PLXNC1: variants seen among roughly 807,000 people sequenced by gnomAD.
PLXNC1 encodes the protein plexin C1.
In PLXNC1, 75 loss-of-function variants were observed where a neutral mutation model predicts 178.2. The observed-to-expected ratio is 0.42, with a 90% CI of 0.35 to 0.51. The LOEUF (loss-of-function observed/expected upper bound fraction) is 0.51. Ranked by LOEUF, PLXNC1 falls within the 20% of genes least tolerant of loss-of-function variation. PLXNC1 has a pLI of 0.02. For missense variants in PLXNC1, 1,503 were observed against 1,984.4 expected, an observed-to-expected ratio of 0.76 and a Z score of 4.61; for synonymous variants, 790 against 779.9, an observed-to-expected ratio of 1.01 and a Z score of -0.22.
chr12:94,217,534 T>TAC (rs1238057714), intron 5 of PLXNC1, among the ~76,000 whole-genome samples: 3 of 152,190 alleles, frequency 2.0e-5, no homozygotes, highest in African/African-American at 7.2e-5. Flanking sequence ...TTGAACTACA[T>TAC]ACACCTAAAG....
At chr12:94,276,503 C>T (rs1474434410) in intron 21 of PLXNC1, among the ~76,000 whole-genome samples, 2 of 152,040 alleles carry the variant, frequency 1.3e-5, no homozygotes, top group East Asian at 1.9e-4. Flanking sequence ...GGTGGTAAAG[C>T]GGGGATGGCA....
chr12:94,193,609 C>G (rs1040847311), intron 4 of PLXNC1, among the ~76,000 whole-genome samples: 1 of 152,168 alleles, frequency 6.6e-6, no homozygotes, highest in African/African-American at 2.4e-5. Context: ...TCCTGTGTCC[C>G]AGGCACTGGG....
intron 21 of PLXNC1, among the ~76,000 whole-genome samples, chr12:94,270,512 G>A (rs1965505800): frequency 6.6e-6 from 1 of 152,092 alleles, no homozygotes; most frequent in Non-Finnish European, 1.5e-5. Context: ...CCCCTTCTGG[G>A]ACACAGCAAT....
chr12:94,157,288 T>C (rs1188025295), intron 1 of PLXNC1, among the ~76,000 whole-genome samples: 3 of 152,216 alleles, frequency 2.0e-5, no homozygotes, highest in African/African-American at 7.2e-5. Flanking sequence ...AAGACCAACA[T>C]CTTGATTACA....
chr12:94,301,149 C>A, intron 28 of PLXNC1, 92 bp downstream of exon 28: 1 of 1,044,754 alleles, frequency 9.6e-7, no homozygotes, highest in Non-Finnish European at 1.4e-6. Context: ...AACAATTGGT[C>A]TAAACTACAC....
intron 9 of PLXNC1, chr12:94,227,474 C>A: frequency 5.8e-6 from 2 of 344,032 alleles, no homozygotes; most frequent in Non-Finnish European, 1.1e-5. Context: ...TTGCTCTGGT[C>A]GAAATAAAAT....
rs1968917100 is a variant in PLXNC1, at chr12:94,305,545, C to T, written c.*260C>T. On this transcript the variant is annotated 3_prime_UTR_variant, in exon 31 of 31. Transcript: ENST00000258526. ...ACAGCCTCCTTGTTTACAGAGAATA[C>T]AAGGCCAGTAAGCGAATGTCAGTAT... 9.9e-6 allele frequency: 4 copies of T among 404,168 alleles called. No individual in the cohort carries two copies. The highest frequency in any genetic ancestry group is 4.2e-5 in the South Asian group (1 of 24,054). 25.0% of individuals were successfully genotyped at this position (404,168 alleles called of 1,614,324 possible). A position where few individuals can be genotyped will look rare whatever the true frequency, so the allele number is the denominator to read the frequency against.
At chr12:94,204,563 A>AT (rs1453618302) in intron 4 of PLXNC1, among the ~76,000 whole-genome samples, 1 of 152,212 alleles carries the variant, frequency 6.6e-6, no homozygotes, top group Admixed American at 6.5e-5. Flanking sequence ...ATGTTTTGGC[A>AT]TTCCCCTCTT....
In PLXNC1 at chr12:94,149,017, G is replaced by T. The variant is rs780111179; in HGVS notation, c.46G>T (p.Ala16Ser). The change falls in exon 1 of 31, where the codon GCA becomes TCA. Residue 16 changes from alanine to serine, a missense_variant. Around this residue, in one of 4 missense-constraint regions of PLXNC1, gnomAD observed 176 missense variants for 180.7 expected, o/e 0.97. Transcript: ENST00000258526. ...GGCGCCGCCGCGCCCCCCGCGCCCCGCAGCGCCACTGCCCCTGCTCGCCTA... is the reference window on the plus strand; with the variant it reads ...GGCGCCGCCGCGCCCCCCGCGCCCCTCAGCGCCACTGCCCCTGCTCGCCTA... ...RKAPPRPPRPAAPLPLLAYLL... is the reference protein window; with the variant it reads ...RKAPPRPPRPSAPLPLLAYLL... 4.7e-6 allele frequency: 7 copies of T among 1,477,856 alleles called. No homozygotes were observed. The highest frequency in any genetic ancestry group is 6.2e-6 in the Non-Finnish European group (7 of 1,122,070). 91.5% of individuals were successfully genotyped at this position (1,477,856 alleles called of 1,614,324 possible). A position where few individuals can be genotyped will look rare whatever the true frequency, so the allele number is the denominator to read the frequency against.
At position 94,149,241 on chromosome 12, in the gene PLXNC1, G is replaced by T. The variant is rs755389545; in HGVS notation, c.270G>T (p.Pro90=). The T allele has an allele frequency of 1.3e-6, 2 of 1,559,808 alleles. No individual in the cohort carries two copies. Residue 90 remains proline, a synonymous_variant, in exon 1 of 31, where the codon CCG becomes CCT. Coordinates refer to ENST00000258526, the MANE Select transcript of PLXNC1 (RefSeq NM_005761.3). ...YRDQAGNCTE[P]VSLAPPARPR... Reference sequence around the variant, plus strand: ...ACCAAGCGGGCAACTGCACAGAGCCGGTCTCGCTGGCGCCCCCCGCGCGGC... The same window carrying T: ...ACCAAGCGGGCAACTGCACAGAGCCTGTCTCGCTGGCGCCCCCCGCGCGGC...
Position 94,303,749 on chromosome 12 carries a change from T to TA in PLXNC1, c.4387-7_4387-6insA. ...GATGGTTGCTTTTTTTTTTTTTTTT[T>TA]CCCCAGGAAGCACCAACTAATAAGC... On this transcript the variant is annotated splice_polypyrimidine_tract_variant and splice_region_variant and intron_variant, in intron 28 of 30. Transcript: ENST00000258526. The TA allele has an allele frequency of 2.2e-5, 30 of 1,344,326 alleles. No homozygotes were observed. The highest frequency in any genetic ancestry group is 2.8e-5 in the Non-Finnish European group (29 of 1,027,042). The allele number at this position is 1,344,326 out of a possible 1,614,324, so 83.3% of individuals were successfully genotyped here.
intron 14 of PLXNC1, 69 bp from the exon 15 acceptor site, chr12:94,251,357 G>T (rs2136068316): frequency 1.1e-6 from 1 of 905,200 alleles, no homozygotes; most frequent in East Asian, 2.4e-5. Context: ...GCCATTTTAG[G>T]GGGGAAATTA....
In PLXNC1 at chr12:94,156,394, C is replaced by A. The variant is rs564425499; in HGVS notation, c.1062+6361C>A. Reference sequence around the variant, plus strand: ...TGGCTGCTTTGCACCATCCTCCTACCAAATAACCTCCTCTGCTTCCTCAAA... The same window carrying A: ...TGGCTGCTTTGCACCATCCTCCTACAAAATAACCTCCTCTGCTTCCTCAAA... On this transcript the variant is annotated intron_variant, in intron 1 of 30. Transcript: ENST00000258526. 3.3e-5 allele frequency among the ~76,000 whole-genome samples: 5 copies of A among 152,180 alleles called. No homozygotes were observed. In the South Asian group the frequency reaches 1.0e-3, roughly 32 times the overall value.
chr12:94,305,403 A>ACTGT lies in PLXNC1; in HGVS notation c.*121_*124dup, dbSNP rs1462305004. On this transcript the variant is annotated 3_prime_UTR_variant, in exon 31 of 31. Coordinates refer to ENST00000258526, the MANE Select transcript of PLXNC1 (RefSeq NM_005761.3). ...TTTGCACATAGGTTCCACTTTGGGCACTGTCTTTTTAAGAGACCAAGGCAC... is the reference window on the plus strand; with the variant it reads ...TTTGCACATAGGTTCCACTTTGGGCACTGTCTGTCTTTTTAAGAGACCAAGGCAC... 3 of 641,090 alleles carry ACTGT rather than the reference A, an allele frequency of 4.7e-6. No homozygotes were observed. Among genetic ancestry groups the ACTGT allele is most frequent in the Admixed American group, 2.8e-5 (1 of 36,214 alleles). The allele number at this position is 641,090 out of a possible 1,614,324, so 39.7% of individuals were successfully genotyped here.
intron 4 of PLXNC1, among the ~76,000 whole-genome samples, chr12:94,202,852 G>A (rs1371467996): frequency 1.3e-5 from 2 of 152,176 alleles, no homozygotes; most frequent in Non-Finnish European, 2.9e-5. Context: ...ACAGTGTTGG[G>A]GTCAGAGATG....
chr12:94,182,869 A>ATCTG (rs1962367282), intron 3 of PLXNC1, among the ~76,000 whole-genome samples: 1 of 145,638 alleles, frequency 6.9e-6, no homozygotes, highest in Admixed American at 6.9e-5. Context: ...GTATCTATCT[A>ATCTG]TCTATCTATC....
At chr12:94,267,113 C>T (rs1965284928) in intron 21 of PLXNC1, among the ~76,000 whole-genome samples, 1 of 152,146 alleles carries the variant, frequency 6.6e-6, no homozygotes, top group Non-Finnish European at 1.5e-5. Flanking sequence ...ATGTTCATGC[C>T]TTTACTTTAA....
intron 9 of PLXNC1, among the ~76,000 whole-genome samples, chr12:94,227,843 C>T (rs1371124610): frequency 1.3e-5 from 2 of 152,296 alleles, no homozygotes; most frequent in East Asian, 1.9e-4. Context: ...GACATGTCAA[C>T]GTAAACATTT....
intron 11 of PLXNC1, among the ~76,000 whole-genome samples, chr12:94,241,513 C>T (rs143050284): frequency 5.9e-4 from 90 of 152,246 alleles, no homozygotes; most frequent in African/African-American, 2.1e-3. Flanking sequence ...TCTCTGGCCC[C>T]GCCACACCAC....
Sources: allele counts gnomAD v4.1 joint callset (sites outside exome capture counted in the v4.1 genomes callset), GRCh38; gene constraint gnomAD v4.1.1; regional missense constraint gnomAD v4.1.1; transcripts MANE v1.5; gene names NCBI Gene and HGNC (gene_info 2026-07-23, HGNC 2026-07-21).